Variants in ZNF385B observed in about 807,000 individuals in gnomAD.
ZNF385B encodes zinc finger protein 533.
Under a neutral mutation model 39.2 loss-of-function variants are expected in ZNF385B, and 23 were observed. That is an observed-to-expected ratio of 0.59 (90% CI 0.42 to 0.83). The LOEUF (loss-of-function observed/expected upper bound fraction) is 0.83. Among genes scored for constraint, ZNF385B ranks in the 40% least tolerant of loss-of-function variants. The pLI is 0.00. For missense variants in ZNF385B, 552 were observed against 598.9 expected (o/e 0.92, Z 0.82); for synonymous variants, 205 against 222.6 (o/e 0.92, Z 0.70).
At chr2:179,636,129 T>C (rs1436039516) in intron 3 of ZNF385B, among the ~76,000 whole-genome samples, 1 of 152,210 alleles carries the variant, frequency 6.6e-6, no homozygotes, top group African/African-American at 2.4e-5. Flanking sequence ...ATCATCCAGT[T>C]GCAAGTTTAC....
intron 1 of ZNF385B, among the ~76,000 whole-genome samples, chr2:179,816,497 T>C (rs533015223): frequency 2.1e-4 from 32 of 152,288 alleles, no homozygotes; most frequent in Non-Finnish European, 4.6e-4. Flanking sequence ...GTATTTCACT[T>C]AGAGTAAAAA....
intron 5 of ZNF385B, among the ~76,000 whole-genome samples, chr2:179,513,309 A>G (rs1574536667): frequency 6.6e-6 from 1 of 152,254 alleles, no homozygotes; most frequent in East Asian, 1.9e-4. Context: ...GAGAACAAGT[A>G]CATGTCACAT....
At chr2:179,682,302 C>T (rs1697580070) in intron 3 of ZNF385B, among the ~76,000 whole-genome samples, 1 of 152,222 alleles carries the variant, frequency 6.6e-6, no homozygotes, top group South Asian at 2.1e-4. Context: ...AGATCTTTCC[C>T]TCTATTTCCA....
At position 179,604,894 on chromosome 2, in the gene ZNF385B, G is replaced by A. The variant is rs1208233764; in HGVS notation, c.299-59925C>T. ...ATCCAAGAACATTTTATTTTCAGTA[G>A]CACAAGAGAGTAATAAGTGTTTTCT... On this transcript the variant is annotated intron_variant, in intron 3 of 9. Transcript: ENST00000410066. Among the ~76,000 whole-genome samples the A allele has an allele frequency of 5.9e-5, 9 of 152,166 alleles. No individual in the cohort carries two copies. In the East Asian group the frequency reaches 1.5e-3, roughly 26 times the overall value.
rs1483775911 is a variant in ZNF385B at position 179,634,097 on chromosome 2, T to TA, written c.299-89129dup. ...GACTTAAATGTTAGACCTAAAACCA[T>TA]AAAAAAACCTAGAAGATAACCTAGG... is the stretch of plus-strand genomic sequence containing the variant. On this transcript the variant is annotated intron_variant, in intron 3 of 9. Coordinates refer to ENST00000410066, the MANE Select transcript of ZNF385B (RefSeq NM_152520.6). Among the ~76,000 whole-genome samples, 13 of 152,104 alleles carry TA rather than the reference T, an allele frequency of 8.5e-5. No homozygotes were observed. In the South Asian group the frequency reaches 2.5e-3, roughly 29 times the overall value.
At chr2:179,722,290 A>C (rs970606412) in intron 3 of ZNF385B, among the ~76,000 whole-genome samples, 3 of 152,154 alleles carry the variant, frequency 2.0e-5, no homozygotes, top group African/African-American at 7.2e-5. Flanking sequence ...CAAGATAGAT[A>C]TCATTCCTAA....
At chr2:179,789,945 T>G (rs1043195453) in intron 1 of ZNF385B, among the ~76,000 whole-genome samples, 1 of 152,156 alleles carries the variant, frequency 6.6e-6, no homozygotes, top group African/African-American at 2.4e-5. Flanking sequence ...TTAACTCAGT[T>G]CTCTACATCT....
chr2:179,816,130 C>T (rs1707050470), intron 1 of ZNF385B, among the ~76,000 whole-genome samples: 2 of 152,186 alleles, frequency 1.3e-5, no homozygotes, highest in African/African-American at 2.4e-5. Context: ...AAGTACTCCT[C>T]ATCCCCAAAT....
At chr2:179,847,481 C>T (rs1204381966) in intron 1 of ZNF385B, among the ~76,000 whole-genome samples, 1 of 152,180 alleles carries the variant, frequency 6.6e-6, no homozygotes, top group Non-Finnish European at 1.5e-5. Flanking sequence ...ATTCCCTGCC[C>T]GATCTCACCA....
At position 179,513,610 on chromosome 2, in the gene ZNF385B, C is replaced by A. The variant is rs1202738181; in HGVS notation, c.552+4918G>T. Among the ~76,000 whole-genome samples the A allele has an allele frequency of 2.6e-5, 4 of 152,290 alleles. No individual in the cohort carries two copies. In the East Asian group the frequency reaches 7.7e-4, roughly 29 times the overall value. On this transcript the variant is annotated intron_variant, in intron 5 of 9. Coordinates refer to ENST00000410066, the MANE Select transcript of ZNF385B (RefSeq NM_152520.6). ...CCCAACCCATTACACAAATAAAAAACAAAATTCATAGTCATTCTTTCTGGG... is the reference window on the plus strand; with the variant it reads ...CCCAACCCATTACACAAATAAAAAAAAAAATTCATAGTCATTCTTTCTGGG...
intron 6 of ZNF385B, among the ~76,000 whole-genome samples, chr2:179,450,088 T>C (rs536897876): frequency 2.8e-5 from 4 of 142,932 alleles, no homozygotes; most frequent in Admixed American, 2.1e-4. Flanking sequence ...TTACACCTTA[T>C]ACAAAAATTA....
At chr2:179,848,606 G>A (rs1708922101) in intron 1 of ZNF385B, among the ~76,000 whole-genome samples, 1 of 152,198 alleles carries the variant, frequency 6.6e-6, no homozygotes, top group Non-Finnish European at 1.5e-5. Flanking sequence ...TACATTATGT[G>A]ATATTAAGAT....
chr2:179,643,381 C>T (rs972510467), intron 3 of ZNF385B, among the ~76,000 whole-genome samples: 1 of 152,112 alleles, frequency 6.6e-6, no homozygotes, highest in Admixed American at 6.6e-5. Context: ...AAGATCCATT[C>T]AAAATGCAGA....
chr2:179,754,194 G>C (rs948408987), intron 3 of ZNF385B, among the ~76,000 whole-genome samples: 7 of 152,180 alleles, frequency 4.6e-5, no homozygotes, highest in African/African-American at 1.7e-4. Context: ...GGATAATCAT[G>C]TGGTTTTTGT....
At chr2:179,806,012 GA>G (rs892930513) in intron 1 of ZNF385B, among the ~76,000 whole-genome samples, 3 of 151,982 alleles carry the variant, frequency 2.0e-5, no homozygotes, top group African/African-American at 7.3e-5. Context: ...GGCTTACAGG[GA>G]AAAATATCTT....
chr2:179,455,284 G>T (rs1480429976), intron 6 of ZNF385B, among the ~76,000 whole-genome samples: 1 of 151,268 alleles, frequency 6.6e-6, no homozygotes, highest in East Asian at 1.9e-4. Context: ...GTTTGGCTGT[G>T]TCCCCACCGA....
At chr2:179,756,926 G>A (rs1703065987) in intron 3 of ZNF385B, among the ~76,000 whole-genome samples, 1 of 152,076 alleles carries the variant, frequency 6.6e-6, no homozygotes, top group South Asian at 2.1e-4. Flanking sequence ...CTTTAGCTCC[G>A]AGAAGTTTGA....
At chr2:179,540,496 C>A (rs75024049) in intron 4 of ZNF385B, among the ~76,000 whole-genome samples, 24,840 of 151,304 alleles carry the variant, frequency 0.16, 2,409 homozygotes, top group African/African-American at 0.27. Context: ...ACAACAACAA[C>A]AAAAAAAACC....
At chr2:179,597,290 A>G (rs1467305663) in intron 3 of ZNF385B, among the ~76,000 whole-genome samples, 1 of 152,232 alleles carries the variant, frequency 6.6e-6, no homozygotes, top group African/African-American at 2.4e-5. Context: ...TTTAACAGCC[A>G]CAAATCTGGG....
Sources: gnomAD v4.1 joint callset for allele counts (sites outside exome capture counted in the v4.1 genomes callset) on GRCh38, gnomAD v4.1.1 for gene constraint, MANE v1.5 for transcripts, NCBI Gene and HGNC (gene_info 2026-07-23, HGNC 2026-07-21) for gene names.